Variants in PCDH17 observed in about 807,000 individuals in gnomAD.
PCDH17 encodes the protein protocadherin-17.
PCDH17 carries 21 observed loss-of-function variants against 67.7 expected under a neutral mutation model. The ratio of observed to expected loss-of-function variants is 0.31; its 90% CI spans 0.22 to 0.45. The LOEUF is 0.45. Among genes scored for constraint, PCDH17 ranks in the 20% least tolerant of loss-of-function variants. The pLI is 1.00. For missense variants in PCDH17, 1,471 were observed against 1,564.8 expected (o/e 0.94, Z 1.01); for synonymous variants, 701 against 656.7 (o/e 1.07, Z -1.03).
intron 3 of PCDH17, among the ~76,000 whole-genome samples, chr13:57,716,438 G>A (rs1955817068): frequency 1.3e-5 from 2 of 151,866 alleles, no homozygotes; most frequent in Admixed American, 1.3e-4. Flanking sequence ...GCCCTGTGAA[G>A]TGCACATTCC....
chr13:57,634,640 G>A lies in PCDH17; in HGVS notation c.2094G>A (p.Glu698=), dbSNP rs1377676906. ...AGGGGGTACCACGGGTGAATGGCGA[G>A]CAGCACCACTGGGACATGTCGCTGC... The part of the protein sequence containing the change: ...LPEGVPRVNG[E]QHHWDMSLPL... The change falls in exon 1 of 4, where the codon GAG becomes GAA. Residue 698 remains glutamate (E), a synonymous_variant. Transcript: ENST00000377918. This position sits in a 1 kb window ranked among gnomAD's most constrained non-coding sequence, Gnocchi z 7.8. 1.9e-6 allele frequency: 3 copies of A among 1,613,498 alleles called. No individual in the cohort carries two copies. The highest frequency in any genetic ancestry group is 2.7e-5 in the African/African-American group (2 of 75,008).
Position 57,634,241 on chromosome 13 carries a change from C to A in PCDH17, c.1695C>A (p.Ser565Arg). 6.2e-7 allele frequency: 1 copy of A among 1,613,316 alleles called. No individual in the cohort carries two copies. Among genetic ancestry groups the A allele is most frequent in the African/African-American group, 1.3e-5 (1 of 75,054 alleles). Residue 565 changes from serine to arginine, a missense_variant, in exon 1 of 4, where the codon AGC becomes AGA. Coordinates refer to ENST00000377918, the MANE Select transcript of PCDH17 (RefSeq NM_001040429.3). This position sits in a 1 kb window ranked among gnomAD's most constrained non-coding sequence, Gnocchi z 7.8. Reference protein sequence around the residue: ...KDSGAPAHLESNATVRVTVLD... With the variant: ...KDSGAPAHLERNATVRVTVLD... ...CGGGGGCGCCCGCGCACTTGGAGAGCAACGCCACGGTGAGGGTGACAGTGC... is the reference window on the plus strand; with the variant it reads ...CGGGGGCGCCCGCGCACTTGGAGAGAAACGCCACGGTGAGGGTGACAGTGC...
intron 1 of PCDH17, among the ~76,000 whole-genome samples, chr13:57,646,711 A>G (rs1954970462): frequency 6.6e-6 from 1 of 151,732 alleles, no homozygotes; most frequent in Non-Finnish European, 1.5e-5. Flanking sequence ...AGACAAGAGG[A>G]TTTTTCTGAA....
At chr13:57,650,795 T>G (rs1955026949) in intron 1 of PCDH17, among the ~76,000 whole-genome samples, 1 of 152,190 alleles carries the variant, frequency 6.6e-6, no homozygotes, top group African/African-American at 2.4e-5. Flanking sequence ...GCCTATAATT[T>G]ACTACTCAGA....
chr13:57,697,723 C>T (rs1402553406), intron 3 of PCDH17, among the ~76,000 whole-genome samples: 5 of 150,762 alleles, frequency 3.3e-5, no homozygotes, highest in African/African-American at 4.9e-5. Context: ...TGAAATAAAA[C>T]ACAGACTATG....
chr13:57,672,846 G>A (rs60867013), intron 3 of PCDH17, among the ~76,000 whole-genome samples: 8,933 of 151,850 alleles, frequency 0.059, 397 homozygotes, highest in East Asian at 0.25. Context: ...AGAGAGGGTC[G>A]AGATGCTTAT....
chr13:57,691,867 T>C (rs1311550839), intron 3 of PCDH17, among the ~76,000 whole-genome samples: 1 of 151,214 alleles, frequency 6.6e-6, no homozygotes, highest in Admixed American at 6.6e-5. Flanking sequence ...ATTGTTATGC[T>C]GACTAATAAA....
At chr13:57,674,709 A>G (rs1309273641) in intron 3 of PCDH17, among the ~76,000 whole-genome samples, 1 of 151,984 alleles carries the variant, frequency 6.6e-6, no homozygotes, top group Non-Finnish European at 1.5e-5. Context: ...ACACTATTAA[A>G]ATTCAGACTA....
chr13:57,692,087 G>T (rs750630631), intron 3 of PCDH17, among the ~76,000 whole-genome samples: 2 of 151,056 alleles, frequency 1.3e-5, no homozygotes, highest in Non-Finnish European at 3.0e-5. Flanking sequence ...GTTTCATGGG[G>T]CAGGCTGATA....
At position 57,703,136 on chromosome 13, in the gene PCDH17, T is replaced by C. The variant is rs182885388; in HGVS notation, c.2798-21476T>C. 9.2e-5 allele frequency among the ~76,000 whole-genome samples: 14 copies of C among 152,288 alleles called. No individual in the cohort carries two copies. The East Asian group carries it at 2.5e-3, about 27-fold the overall frequency. ...ACATTGTTTTTTGCCAAGATAAGAA[T>C]TTAGAAGTCCATAAAAGGCATCTTC... On this transcript the variant is annotated intron_variant, in intron 3 of 3. Coordinates refer to ENST00000377918, the MANE Select transcript of PCDH17 (RefSeq NM_001040429.3).
intron 3 of PCDH17, among the ~76,000 whole-genome samples, chr13:57,720,312 A>G (rs1221499109): frequency 6.6e-6 from 1 of 152,002 alleles, no homozygotes; most frequent in Non-Finnish European, 1.5e-5. Flanking sequence ...CTAAAATCAG[A>G]GACAGTTAAA....
Position 57,722,397 on chromosome 13 carries a change from A to G in PCDH17, c.2798-2215A>G, listed in dbSNP as rs1955878624. 2.6e-5 allele frequency among the ~76,000 whole-genome samples: 4 copies of G among 152,190 alleles called. No individual in the cohort carries two copies. The South Asian group carries it at 8.3e-4, about 32-fold the overall frequency. On this transcript the variant is annotated intron_variant, in intron 3 of 3. Transcript: ENST00000377918. ...AAATTTCATGATGCTAGAAGATACA[A>G]AAGTATTACTGAGTGAAATAGATTG...
Position 57,725,218 on chromosome 13 carries a change from C to G in PCDH17, c.3404C>G (p.Ala1135Gly). 6.2e-7 allele frequency: 1 copy of G among 1,613,250 alleles called. No homozygotes were observed. ...GATCTGGGCAGAGAGTCTGTGGATG[C>G]AGAGGAAGTTGTGAGAGAAATTGAT... ...NRDLGRESVDAEEVVREIDKL... is the reference protein window; with the variant it reads ...NRDLGRESVDGEEVVREIDKL... The change falls in exon 4 of 4, where the codon GCA becomes GGA. Residue 1135 changes from alanine (A) to glycine (G), a missense_variant. Physicochemically the swap from Ala to Gly is moderately conservative, Grantham distance 60. Around this residue, in one of 3 missense-constraint regions of PCDH17, gnomAD observed 297 missense variants for 298.6 expected, o/e 0.99. Coordinates refer to ENST00000377918, the MANE Select transcript of PCDH17 (RefSeq NM_001040429.3).
At position 57,725,173 on chromosome 13, in the gene PCDH17, A is replaced by G; in HGVS notation, c.3359A>G (p.Gln1120Arg). The G allele has an allele frequency of 6.2e-7, 1 of 1,614,174 alleles. No individual in the cohort carries two copies. The highest frequency in any genetic ancestry group is 8.5e-7 in the Non-Finnish European group (1 of 1,180,022). The change falls in exon 4 of 4, where the codon CAG becomes CGG. Residue 1120 changes from glutamine (Q) to arginine (R), a missense_variant. Physicochemically the swap from Gln to Arg is conservative, Grantham distance 43. Around this residue, in one of 3 missense-constraint regions of PCDH17, gnomAD observed 297 missense variants for 298.6 expected, o/e 0.99. Coordinates refer to ENST00000377918, the MANE Select transcript of PCDH17 (RefSeq NM_001040429.3). ...AGTGAGATGGGTGCTGTTCTTGAGC[A>G]GCTTGACCACCCCAACAGGGATCTG... The part of the protein sequence containing the change: ...DSSEMGAVLE[Q>R]LDHPNRDLGR...
At chr13:57,662,064 A>T (rs762280164) in intron 1 of PCDH17, among the ~76,000 whole-genome samples, 5 of 152,096 alleles carry the variant, frequency 3.3e-5, no homozygotes, top group Non-Finnish European at 7.4e-5. Context: ...GGGATTTTTC[A>T]CCATGTTGAC....
Position 57,694,487 on chromosome 13 carries a change from A to G in PCDH17, c.2797+27654A>G, listed in dbSNP as rs370975455. 2.6e-3 allele frequency among the ~76,000 whole-genome samples: 397 copies of G among 151,284 alleles called. 15 individuals are homozygous for G. In the South Asian group the frequency reaches 0.079, roughly 30 times the overall value. ...AGGGTTCCTCCTATTAAAAAAATGC[A>G]TGTCCAGAAAGTATTAGGGAACATT... On this transcript the variant is annotated intron_variant, in intron 3 of 3. Coordinates refer to ENST00000377918, the MANE Select transcript of PCDH17 (RefSeq NM_001040429.3).
chr13:57,653,628 T>A (rs562189696), intron 1 of PCDH17, among the ~76,000 whole-genome samples: 1 of 152,170 alleles, frequency 6.6e-6, no homozygotes, highest in South Asian at 2.1e-4. Context: ...GATTTGAAGG[T>A]GTAATATAGT....
intron 3 of PCDH17, among the ~76,000 whole-genome samples, chr13:57,691,638 A>T (rs1292504210): frequency 6.6e-6 from 1 of 151,352 alleles, no homozygotes; most frequent in Non-Finnish European, 1.5e-5. Flanking sequence ...ATGTGTACAC[A>T]TCAATTAAAA....
intron 3 of PCDH17, among the ~76,000 whole-genome samples, chr13:57,694,895 C>T (rs542171838): frequency 6.6e-6 from 1 of 151,182 alleles, no homozygotes; most frequent in Non-Finnish European, 1.5e-5. Flanking sequence ...ATGGCAACTC[C>T]TGTGTGTCCA....
Sources: gnomAD v4.1 joint callset for allele counts (sites outside exome capture counted in the v4.1 genomes callset) on GRCh38, gnomAD v4.1.1 for gene constraint, gnomAD v4.1.1 regional missense constraint, Gnocchi (gnomAD v3.1) non-coding constraint, MANE v1.5 for transcripts, NCBI Gene and HGNC (gene_info 2026-07-23, HGNC 2026-07-21) for gene names.